Variants in SIAH1 observed in about 807,000 individuals in gnomAD.
The protein encoded by SIAH1 is siah E3 ubiquitin protein ligase 1, also known as E3 ubiquitin-protein ligase SIAH1.
Under a neutral mutation model 20.0 loss-of-function variants are expected in SIAH1, and 2 were observed. That is an observed-to-expected ratio of 0.10 (90% confidence interval 0.04 to 0.31). The LOEUF (loss-of-function observed/expected upper bound fraction) is 0.31, where lower values mean the gene tolerates loss of function less well. SIAH1 is among the 10% of genes least tolerant of loss of function. The probability of loss-of-function intolerance (pLI) is 1.00; values close to 1 mark genes in which losing one functional copy is unlikely to be tolerated. For synonymous variants in SIAH1, 118 were observed against 125.3 expected (o/e 0.94, Z 0.39); for missense variants, 119 against 355.3 (o/e 0.33, Z 5.35).
upstream of SIAH1, among the ~76,000 whole-genome samples, chr16:48,385,724 C>A (rs899735144): frequency 3.3e-5 from 5 of 152,128 alleles, no homozygotes; most frequent in African/African-American, 1.2e-4. Context: ...CCTCCCGCGG[C>A]GCTTTGTTCC....
At position 48,366,660 on chromosome 16, in the gene SIAH1, G is replaced by A. The variant is rs1452887867; in HGVS notation, c.-2-4230C>T. ...CATTGCATCAGCTAGTGCGTGCAGA[G>A]GTTTAACCTGTCATTACATCATGCT... On this transcript the variant is annotated intron_variant, in intron 1 of 1. Coordinates refer to ENST00000394725, the MANE Select transcript of SIAH1 (RefSeq NM_003031.4). Among the ~76,000 whole-genome samples, 4 of 152,176 alleles carry A rather than the reference G, an allele frequency of 2.6e-5. No individual in the cohort carries two copies. In the South Asian group the frequency reaches 6.2e-4, roughly 24 times the overall value.
In SIAH1 at chr16:48,361,138, T is replaced by C. The variant is rs573115582; in HGVS notation, c.*442A>G. ...ACAAAAAAAGCACACAGCAGCACTA[T>C]GTATTGACTCACAAAGGGAAAAGCA... On this transcript the variant is annotated 3_prime_UTR_variant, in exon 2 of 2. Coordinates refer to ENST00000394725, the MANE Select transcript of SIAH1 (RefSeq NM_003031.4). 31 of 163,074 alleles carry C rather than the reference T, an allele frequency of 1.9e-4. No homozygotes were observed. The highest frequency in any genetic ancestry group is 1.4e-3 in the East Asian group (8 of 5,624). 10.1% of individuals were successfully genotyped at this position (163,074 alleles called of 1,614,324 possible).
At chr16:48,363,796 G>GT (rs1308117381) in intron 1 of SIAH1, 1 of 166,750 alleles carries the variant, frequency 6.0e-6, no homozygotes, top group African/African-American at 2.4e-5. Context: ...AACTAGCCAG[G>GT]CTGAGTCAAA....
At chr16:48,380,501 C>A (rs1003740256) in intron 1 of SIAH1, among the ~76,000 whole-genome samples, 5 of 151,714 alleles carry the variant, frequency 3.3e-5, no homozygotes, top group Non-Finnish European at 5.9e-5. Flanking sequence ...CAAAACAACC[C>A]AACCTAAAAA....
chr16:48,366,012 G>T, intron 1 of SIAH1: 2 of 685,712 alleles, frequency 2.9e-6, no homozygotes, highest in Non-Finnish European at 3.8e-6. Flanking sequence ...GGCGATGCCC[G>T]TCTTGCTCGC....
At chr16:48,372,290 C>A (rs369058377) in intron 1 of SIAH1, among the ~76,000 whole-genome samples, 4 of 152,110 alleles carry the variant, frequency 2.6e-5, no homozygotes, top group African/African-American at 9.7e-5. Flanking sequence ...GAAATAGTTA[C>A]AATCTATGTT....
In SIAH1 at chr16:48,375,911, G is replaced by C. The variant is rs187156223; in HGVS notation, c.-3+9293C>G. ...CAAGCCTGGAATTAGAAACCAGAGA[G>C]AGATGGGACCACTGAACTACAGGCA... On this transcript the variant is annotated intron_variant, in intron 1 of 1. Coordinates refer to ENST00000394725, the MANE Select transcript of SIAH1 (RefSeq NM_003031.4). Among the ~76,000 whole-genome samples the C allele has an allele frequency of 3.2e-3, 490 of 152,338 alleles. 1 individual carries two copies. Among genetic ancestry groups the C allele is most frequent in the Admixed American group, 5.4e-3 (82 of 15,298 alleles).
At chr16:48,384,380 G>A (rs1961383080) in intron 1 of SIAH1, among the ~76,000 whole-genome samples, 1 of 152,138 alleles carries the variant, frequency 6.6e-6, no homozygotes, top group African/African-American at 2.4e-5. Context: ...GGCAGACAGC[G>A]AAAACGAACC....
intron 1 of SIAH1, among the ~76,000 whole-genome samples, chr16:48,384,731 G>A (rs1286331256): frequency 6.6e-6 from 1 of 151,446 alleles, no homozygotes; most frequent in Non-Finnish European, 1.5e-5. Flanking sequence ...CGGGGAGGAG[G>A]GGGAGGGAGG....
chr16:48,378,198 A>C (rs976568695), intron 1 of SIAH1, among the ~76,000 whole-genome samples: 3 of 152,130 alleles, frequency 2.0e-5, no homozygotes, highest in Non-Finnish European at 4.4e-5. Flanking sequence ...CTAAAAACAC[A>C]AAAAATTAGC....
At chr16:48,386,178 C>G (rs1961460435), upstream of SIAH1, among the ~76,000 whole-genome samples, 1 of 152,232 alleles carries the variant, frequency 6.6e-6, no homozygotes, top group Non-Finnish European at 1.5e-5. Context: ...GAGACATTTA[C>G]AAGCCCTAAC....
upstream of SIAH1, among the ~76,000 whole-genome samples, chr16:48,386,891 A>G (rs1961478368): frequency 1.3e-5 from 2 of 152,180 alleles, no homozygotes; most frequent in Non-Finnish European, 2.9e-5. Context: ...GATACGGACT[A>G]AGAGAGAACT....
rs559160031 is a variant in SIAH1 at position 48,362,605 on chromosome 16, G to T, written c.-2-175C>A. Reference sequence around the variant, plus strand: ...AAAAAAATAAAATTACACTGAATGTGCACTTTATTAGGATCTGTACACTGG... The same window carrying T: ...AAAAAAATAAAATTACACTGAATGTTCACTTTATTAGGATCTGTACACTGG... On this transcript the variant is annotated intron_variant, in intron 1 of 1. Coordinates refer to ENST00000394725, the MANE Select transcript of SIAH1 (RefSeq NM_003031.4). This position sits in a 1 kb window ranked among gnomAD's most constrained non-coding sequence, Gnocchi z 4.2. The T allele has an allele frequency of 2.5e-4, 164 of 647,888 alleles. 1 individual carries two copies. The South Asian group carries it at 2.8e-3, about 11-fold the overall frequency. 40.1% of individuals were successfully genotyped at this position (647,888 alleles called of 1,614,324 possible). A position where few individuals can be genotyped will look rare whatever the true frequency, so the allele number is the denominator to read the frequency against.
intron 1 of SIAH1, among the ~76,000 whole-genome samples, chr16:48,375,419 C>A (rs954058207): frequency 4.6e-5 from 7 of 152,290 alleles, no homozygotes; most frequent in African/African-American, 1.4e-4. Flanking sequence ...ACAGGTGGAT[C>A]ACTTGAGGTC....
chr16:48,383,627 A>C (rs1961355780), intron 1 of SIAH1, among the ~76,000 whole-genome samples: 1 of 152,216 alleles, frequency 6.6e-6, no homozygotes, highest in Non-Finnish European at 1.5e-5. Flanking sequence ...TAGCTAAGAG[A>C]AGACCTCATT....
At chr16:48,386,389 C>G (rs986846437), upstream of SIAH1, among the ~76,000 whole-genome samples, 6 of 152,092 alleles carry the variant, frequency 3.9e-5, no homozygotes, top group East Asian at 3.9e-4. Flanking sequence ...CGCCTGTAGT[C>G]CCAGCTACTC....
chr16:48,384,900 C>G lies in SIAH1; in HGVS notation c.-3+304G>C, dbSNP rs867341575. 8.5e-4 allele frequency among the ~76,000 whole-genome samples: 123 copies of G among 145,460 alleles called. 2 individuals are homozygous for G. The South Asian group carries it at 0.016, about 18-fold the overall frequency. On this transcript the variant is annotated intron_variant, in intron 1 of 1. Transcript: ENST00000394725. ...CGGGCGCGCGGGGGCCGGGCCGCCGCCGAGGCCCTTCCCCCGCCCTCGGCC... is the reference window on the plus strand; with the variant it reads ...CGGGCGCGCGGGGGCCGGGCCGCCGGCGAGGCCCTTCCCCCGCCCTCGGCC...
intron 1 of SIAH1, chr16:48,363,600 AAAAGG>A (rs1271227474): frequency 1.8e-5 from 3 of 167,074 alleles, no homozygotes; most frequent in Non-Finnish European, 4.4e-5. Context: ...GAGACAATGA[AAAAGG>A]AAAGAATAAA....
In SIAH1 at chr16:48,362,334, T is replaced by C; in HGVS notation, c.95A>G (p.Asn32Ser). Residue 32 changes from asparagine to serine, a missense_variant, in exon 2 of 2, where the codon AAC becomes AGC. Coordinates refer to ENST00000394725, the MANE Select transcript of SIAH1 (RefSeq NM_003031.4). The surrounding 1 kb of genome is among the most constrained non-coding windows in gnomAD (Gnocchi z 4.2). ...VPALTGTTAS[N>S]NDLASLFECP... ...CTCAAAAAGACTCGCCAAGTCATTG[T>C]TGGATGCAGTTGTGCCAGTCAGGGC... The C allele has an allele frequency of 1.2e-6, 2 of 1,614,164 alleles. No individual in the cohort carries two copies. Among genetic ancestry groups the C allele is most frequent in the South Asian group, 1.1e-5 (1 of 91,082 alleles).
Sources: gnomAD v4.1 joint callset for allele counts (sites outside exome capture counted in the v4.1 genomes callset) on GRCh38, gnomAD v4.1.1 for gene constraint, Gnocchi (gnomAD v3.1) non-coding constraint, MANE v1.5 for transcripts, NCBI Gene and HGNC (gene_info 2026-07-23, HGNC 2026-07-21) for gene names.